The following HEATR5B variants were observed in gnomAD, a reference collection of about 807,000 sequenced individuals.
HEATR5B encodes the protein HEAT repeat containing 5B.
Under a neutral mutation model 224.1 loss-of-function variants are expected in HEATR5B, and 156 were observed. That is an observed-to-expected ratio of 0.70 (90% CI 0.61 to 0.80). The LOEUF is 0.80. Among genes scored for constraint, HEATR5B ranks in the 30% least tolerant of loss-of-function variants. HEATR5B has a pLI of 0.00. For missense variants in HEATR5B, 2,323 were observed against 2,535.5 expected (o/e 0.92, Z 1.80); for synonymous variants, 1,027 against 893.0 (o/e 1.15, Z -2.68).
Position 37,037,842 on chromosome 2 carries a change from GC to G in HEATR5B, c.3216+12del. 2.0e-6 allele frequency: 3 copies of G among 1,499,116 alleles called. No individual in the cohort carries two copies. Among genetic ancestry groups the G allele is most frequent in the Non-Finnish European group, 2.7e-6 (3 of 1,118,090 alleles). The allele number at this position is 1,499,116 out of a possible 1,614,324, so 92.9% of individuals were successfully genotyped here. ...AACTTAAAAATCAATGAATGAAATA[GC>G]TCTATACTTACACAAAGGCTAGGAA... is the stretch of plus-strand genomic sequence containing the variant. On this transcript the variant is annotated intron_variant, in intron 21 of 35. Coordinates refer to ENST00000233099, the MANE Select transcript of HEATR5B (RefSeq NM_019024.3).
intron 27 of HEATR5B, among the ~76,000 whole-genome samples, chr2:37,010,584 G>A (rs1175190362): frequency 1.3e-5 from 2 of 151,492 alleles, no homozygotes; most frequent in African/African-American, 4.9e-5. Context: ...TGCGATCACA[G>A]CTCACTGCAA....
chr2:36,998,261 A>T (rs1166100162), intron 33 of HEATR5B, among the ~76,000 whole-genome samples: 1 of 152,250 alleles, frequency 6.6e-6, no homozygotes, highest in Non-Finnish European at 1.5e-5. Context: ...AAAACACAAA[A>T]ATGTAAGCAT....
chr2:37,022,862 A>C (rs1356313169), intron 24 of HEATR5B, among the ~76,000 whole-genome samples: 1 of 152,206 alleles, frequency 6.6e-6, no homozygotes, highest in African/African-American at 2.4e-5. Flanking sequence ...TTTGGAATAC[A>C]TCAAAATCCA....
intron 33 of HEATR5B, among the ~76,000 whole-genome samples, chr2:36,992,122 C>G (rs1666371735): frequency 6.6e-6 from 1 of 152,008 alleles, no homozygotes; most frequent in African/African-American, 2.4e-5. Context: ...TGCTTGGATC[C>G]GGGAAGCAGA....
intron 24 of HEATR5B, among the ~76,000 whole-genome samples, chr2:37,022,522 G>A (rs894923517): frequency 3.9e-5 from 6 of 152,176 alleles, no homozygotes; most frequent in Non-Finnish European, 7.3e-5. Context: ...CCACTGTTAA[G>A]GTGCAAAAGC....
chr2:37,081,317 C>T (rs1012838263), intron 2 of HEATR5B, among the ~76,000 whole-genome samples: 17 of 152,068 alleles, frequency 1.1e-4, no homozygotes, highest in African/African-American at 4.1e-4. Flanking sequence ...GTGTGCTGCA[C>T]CCATTAACTC....
intron 27 of HEATR5B, among the ~76,000 whole-genome samples, chr2:37,012,238 C>T (rs1424127558): frequency 6.6e-6 from 1 of 152,136 alleles, no homozygotes; most frequent in African/African-American, 2.4e-5. Flanking sequence ...TTTCTAGTCA[C>T]TTAATATCAT....
chr2:37,033,452 G>A (rs1394907232), intron 21 of HEATR5B, among the ~76,000 whole-genome samples: 1 of 152,080 alleles, frequency 6.6e-6, no homozygotes, highest in African/African-American at 2.4e-5. Flanking sequence ...TAAGTATATA[G>A]AGATCAAATG....
chr2:37,053,719 A>G, intron 16 of HEATR5B, 112 bp from the exon 17 acceptor site: 1 of 569,546 alleles, frequency 1.8e-6, no homozygotes, highest in Non-Finnish European at 3.1e-6. Context: ...TCCCCATGCT[A>G]TCTCTTTTCT....
intron 17 of HEATR5B, among the ~76,000 whole-genome samples, chr2:37,052,232 C>T (rs530811064): frequency 9.2e-5 from 14 of 152,246 alleles, no homozygotes; most frequent in Admixed American, 3.9e-4. Flanking sequence ...TAGTATGATG[C>T]GCGAATCCTG....
At chr2:37,052,148 C>A (rs747679285) in intron 17 of HEATR5B, among the ~76,000 whole-genome samples, 2 of 152,164 alleles carry the variant, frequency 1.3e-5, no homozygotes, top group Non-Finnish European at 2.9e-5. Flanking sequence ...CACATATTTG[C>A]TACCATTTTA....
chr2:37,049,872 A>T, intron 17 of HEATR5B, 29 bp from the exon 18 acceptor site: 1 of 1,385,584 alleles, frequency 7.2e-7, no homozygotes, highest in Non-Finnish European at 9.6e-7. Flanking sequence ...AAAAAAAAAG[A>T]CAGCAATTCA....
At chr2:37,053,904 C>T (rs1353933297) in intron 16 of HEATR5B, among the ~76,000 whole-genome samples, 1 of 151,674 alleles carries the variant, frequency 6.6e-6, no homozygotes, top group East Asian at 1.9e-4. Flanking sequence ...CTAGTAGACG[C>T]TCAAGGTTTC....
chr2:37,072,549 A>T (rs1266565717), intron 5 of HEATR5B, among the ~76,000 whole-genome samples: 1 of 152,194 alleles, frequency 6.6e-6, no homozygotes, highest in African/African-American at 2.4e-5. Context: ...CACATTAGAA[A>T]AGAAGAAGGG....
chr2:37,080,990 T>C (rs1267718270), intron 2 of HEATR5B, among the ~76,000 whole-genome samples: 1 of 152,240 alleles, frequency 6.6e-6, no homozygotes, highest in African/African-American at 2.4e-5. Context: ...TCCTGTTTTA[T>C]ACACTCTTGT....
intron 30 of HEATR5B, among the ~76,000 whole-genome samples, 178 bp from the exon 31 acceptor site, chr2:37,003,864 C>G (rs1667247807): frequency 6.6e-6 from 1 of 152,086 alleles, no homozygotes; most frequent in Non-Finnish European, 1.5e-5. Context: ...TCACATTTTA[C>G]TCCTATGTAT....
Position 37,072,191 on chromosome 2 carries a change from A to T in HEATR5B, c.688T>A (p.Ser230Thr). ...ATLCFKALEN[S>T]NYGVRVAVSK... ...ACTGCCACTCGTACCCCATAATTTGAGTTTTCCAAAGCCTTAAAGCAGAGA... is the reference window on the plus strand; with the variant it reads ...ACTGCCACTCGTACCCCATAATTTGTGTTTTCCAAAGCCTTAAAGCAGAGA... The change falls in exon 6 of 36, where the codon TCA becomes ACA. Residue 230 changes from serine (S) to threonine (T), a missense_variant. Around this residue, in one of 12 missense-constraint regions of HEATR5B, gnomAD observed 292 missense variants for 332.6 expected, o/e 0.88. Transcript: ENST00000233099. 6.2e-7 allele frequency: 1 copy of T among 1,613,938 alleles called. No individual in the cohort carries two copies. The highest frequency in any genetic ancestry group is 1.1e-5 in the South Asian group (1 of 91,080).
chr2:37,065,119 T>C, intron 9 of HEATR5B, 129 bp from the exon 10 acceptor site: 1 of 852,078 alleles, frequency 1.2e-6, no homozygotes, highest in Admixed American at 2.6e-5. Context: ...TCCACAACTT[T>C]GCCTAAAACT....
chr2:37,045,672 C>T (rs1010653463), intron 18 of HEATR5B, among the ~76,000 whole-genome samples: 1 of 152,128 alleles, frequency 6.6e-6, no homozygotes, highest in Non-Finnish European at 1.5e-5. Context: ...ATAGCTCTCT[C>T]CCTGTGCAGC....
Sources: allele counts gnomAD v4.1 joint callset (sites outside exome capture counted in the v4.1 genomes callset), GRCh38; gene constraint gnomAD v4.1.1; regional missense constraint gnomAD v4.1.1; transcripts MANE v1.5; gene names NCBI Gene and HGNC (gene_info 2026-07-23, HGNC 2026-07-21).